Variants in ZNF609 observed in about 807,000 individuals in gnomAD.
ZNF609 encodes the protein zinc finger protein 609.
ZNF609 carries 11 observed loss-of-function variants against 109.5 expected under a neutral mutation model. The observed-to-expected ratio is 0.10, with a 90% CI of 0.06 to 0.17. The LOEUF (loss-of-function observed/expected upper bound fraction) is 0.17. ZNF609 is among the 10% of genes least tolerant of loss of function. ZNF609 has a pLI of 1.00. For synonymous variants in ZNF609, 646 were observed against 662.0 expected, an observed-to-expected ratio of 0.98 and a Z score of 0.37; for missense variants, 1,559 against 1,772.4, an observed-to-expected ratio of 0.88 and a Z score of 2.16.
At chr15:64,589,710 A>G (rs1895261941) in intron 2 of ZNF609, among the ~76,000 whole-genome samples, 1 of 152,172 alleles carries the variant, frequency 6.6e-6, no homozygotes, top group South Asian at 2.1e-4. Context: ...GCCCTCCTTT[A>G]CTTCTTCCTA....
At chr15:64,668,309 A>G (rs989225884) in intron 3 of ZNF609, among the ~76,000 whole-genome samples, 1 of 152,224 alleles carries the variant, frequency 6.6e-6, no homozygotes, top group Admixed American at 6.5e-5. Flanking sequence ...GAAATTATTT[A>G]TAAAACAAAT....
intron 3 of ZNF609, among the ~76,000 whole-genome samples, chr15:64,665,177 C>T (rs570144306): frequency 6.6e-6 from 1 of 152,286 alleles, no homozygotes; most frequent in South Asian, 2.1e-4. Flanking sequence ...GATTCCTATC[C>T]TTTTCCCCTC....
At chr15:64,461,778 C>T (rs944354825) in intron 1 of ZNF609, among the ~76,000 whole-genome samples, 6 of 152,098 alleles carry the variant, frequency 3.9e-5, no homozygotes, top group Non-Finnish European at 8.8e-5. Flanking sequence ...TGTCTGTTTC[C>T]AGCCATGTGT....
At chr15:64,565,103 A>G (rs1297326072) in intron 2 of ZNF609, among the ~76,000 whole-genome samples, 1 of 144,846 alleles carries the variant, frequency 6.9e-6, no homozygotes, top group Non-Finnish European at 1.5e-5. Flanking sequence ...TCTGTCACCC[A>G]GGCTGGAGTG....
intron 2 of ZNF609, among the ~76,000 whole-genome samples, chr15:64,514,016 C>T (rs556765300): frequency 2.7e-5 from 4 of 149,120 alleles, no homozygotes; most frequent in South Asian, 2.2e-4. Context: ...CACTTGAGCC[C>T]GGGAGGTCGA....
intron 3 of ZNF609, among the ~76,000 whole-genome samples, chr15:64,641,239 TGGAG>T (rs1227453801): frequency 5.5e-5 from 8 of 145,914 alleles, no homozygotes; most frequent in African/African-American, 2.5e-5. Flanking sequence ...TTTTTTGAGA[TGGAG>T]TTTCGCTCTT....
In ZNF609 at chr15:64,576,980, A is replaced by G. The variant is rs12913949; in HGVS notation, c.748-45847A>G. Among the ~76,000 whole-genome samples the G allele has an allele frequency of 4.4e-5, 6 of 136,702 alleles. 1 individual carries two copies. The highest frequency in any genetic ancestry group is 2.3e-4 in the Admixed American group (3 of 13,294). 89.7% of individuals were successfully genotyped at this position (136,702 alleles called of 152,430 possible). A position where few individuals can be genotyped will look rare whatever the true frequency, so the allele number is the denominator to read the frequency against. On this transcript the variant is annotated intron_variant, in intron 2 of 9. Transcript: ENST00000326648. ...TGTATATATACACATAAATATATAT[A>G]TGTATGTATACACATAAATATATAT...
chr15:64,557,348 A>G (rs1031427414), intron 2 of ZNF609, among the ~76,000 whole-genome samples: 12 of 151,490 alleles, frequency 7.9e-5, no homozygotes, highest in African/African-American at 2.7e-4. Context: ...TTACTCTTCT[A>G]CTCCTTCTTC....
In ZNF609 at chr15:64,500,099, G is replaced by T; in HGVS notation, c.680G>T (p.Gly227Val). 6.2e-7 allele frequency: 1 copy of T among 1,614,084 alleles called. No homozygotes were observed. The highest frequency in any genetic ancestry group is 2.2e-5 in the East Asian group (1 of 44,876). The change falls in exon 2 of 10, where the codon GGA (glycine) becomes GTA (valine). Residue 227 changes from glycine to valine, a missense_variant. Transcript: ENST00000326648. ...CCTGGGGCAGCGCTCAATCCTTTGG[G>T]AACTAAACCGGAGCCAGAGGAAGGG... Reference protein sequence around the residue: ...IEPGAALNPLGTKPEPEEGEN... With the variant: ...IEPGAALNPLVTKPEPEEGEN...
chr15:64,557,279 G>A (rs191206169), intron 2 of ZNF609, among the ~76,000 whole-genome samples: 141 of 150,126 alleles, frequency 9.4e-4, no homozygotes, highest in African/African-American at 1.7e-3. Context: ...TTTTTTGTAC[G>A]TGCAGTGATT....
In ZNF609 at chr15:64,544,045, T is replaced by G. The variant is rs186512169; in HGVS notation, c.747+43879T>G. On this transcript the variant is annotated intron_variant, in intron 2 of 9. Transcript: ENST00000326648. ...AAAAAAAATCCATACAGCAGAAAAT[T>G]TTTCAACTTTGAGGCCAGGCATGAT... Among the ~76,000 whole-genome samples, 14 of 152,194 alleles carry G rather than the reference T, an allele frequency of 9.2e-5. No individual in the cohort carries two copies. In the East Asian group the frequency reaches 2.5e-3, roughly 27 times the overall value.
At chr15:64,679,031 C>T (rs888305789) in intron 6 of ZNF609, among the ~76,000 whole-genome samples, 3 of 152,176 alleles carry the variant, frequency 2.0e-5, no homozygotes, top group East Asian at 3.8e-4. Context: ...CTGCTAGATT[C>T]AGCTTGGAAA....
intron 3 of ZNF609, among the ~76,000 whole-genome samples, chr15:64,632,753 C>A (rs1477864659): frequency 6.6e-6 from 1 of 151,852 alleles, no homozygotes; most frequent in Non-Finnish European, 1.5e-5. Context: ...CAGACGTGAG[C>A]CACCATGCCT....
intron 4 of ZNF609, among the ~76,000 whole-genome samples, chr15:64,670,681 C>G (rs945670605): frequency 3.3e-5 from 5 of 150,704 alleles, no homozygotes; most frequent in African/African-American, 1.2e-4. Flanking sequence ...GAGTTCCAGA[C>G]TAGCCTGACC....
intron 1 of ZNF609, among the ~76,000 whole-genome samples, chr15:64,461,223 G>T (rs1233123992): frequency 1.7e-5 from 2 of 117,648 alleles, no homozygotes; most frequent in East Asian, 4.4e-4. Flanking sequence ...GCGGGGGAGG[G>T]GGGGCGGGGG....
chr15:64,595,639 C>A (rs187568007), intron 2 of ZNF609, among the ~76,000 whole-genome samples: 2 of 152,286 alleles, frequency 1.3e-5, no homozygotes, highest in East Asian at 3.9e-4. Flanking sequence ...GGGGTCATAA[C>A]ATCCAACTAC....
chr15:64,664,493 A>G (rs1013770122), intron 3 of ZNF609, among the ~76,000 whole-genome samples: 1 of 152,162 alleles, frequency 6.6e-6, no homozygotes, highest in African/African-American at 2.4e-5. Context: ...TATTTTGTGA[A>G]CACTTATGAA....
intron 2 of ZNF609, among the ~76,000 whole-genome samples, chr15:64,511,972 C>T (rs1893738938): frequency 6.6e-6 from 1 of 151,874 alleles, no homozygotes; most frequent in Admixed American, 6.6e-5. Flanking sequence ...CTCAGCCTCC[C>T]AAAGTGCTGG....
intron 1 of ZNF609, among the ~76,000 whole-genome samples, chr15:64,490,066 A>G (rs879866531): frequency 3.9e-5 from 6 of 151,932 alleles, no homozygotes; most frequent in Non-Finnish European, 8.8e-5. Context: ...TCAACAGATA[A>G]TCCCATCTCA....
Sources: allele counts gnomAD v4.1 joint callset (sites outside exome capture counted in the v4.1 genomes callset), GRCh38; gene constraint gnomAD v4.1.1; transcripts MANE v1.5; gene names NCBI Gene and HGNC (gene_info 2026-07-23, HGNC 2026-07-21).